The following ALCAM variants were observed in gnomAD, a reference collection of about 807,000 sequenced individuals.
ALCAM encodes the protein activated leukocyte cell adhesion molecule.
ALCAM carries 30 observed loss-of-function variants against 70.9 expected under a neutral mutation model. That is an observed-to-expected ratio of 0.42 (90% CI 0.32 to 0.57). The LOEUF is 0.57. Ranked by LOEUF, ALCAM falls within the 20% of genes least tolerant of loss-of-function variation. The pLI, the probability that ALCAM is intolerant of heterozygous loss-of-function variation, is 0.11. For missense variants in ALCAM, 591 were observed against 695.1 expected, an observed-to-expected ratio of 0.85 and a Z score of 1.68; for synonymous variants, 249 against 242.5, an observed-to-expected ratio of 1.03 and a Z score of -0.25.
chr3:105,549,932 G>T (rs902153366), intron 11 of ALCAM, among the ~76,000 whole-genome samples, 195 bp from the exon 12 acceptor site: 1 of 151,282 alleles, frequency 6.6e-6, no homozygotes. Context: ...AACATAAACA[G>T]AAATTTCATT....
At chr3:105,451,584 T>C (rs955685577) in intron 1 of ALCAM, among the ~76,000 whole-genome samples, 1 of 151,988 alleles carries the variant, frequency 6.6e-6, no homozygotes, top group Non-Finnish European at 1.5e-5. Context: ...AAAACAGACT[T>C]TGAGGGAAAA....
chr3:105,499,932 C>A (rs918797400), intron 1 of ALCAM, among the ~76,000 whole-genome samples: 5 of 152,196 alleles, frequency 3.3e-5, no homozygotes, highest in African/African-American at 1.2e-4. Context: ...AATTGCCGTA[C>A]CCTTAATAAA....
intron 9 of ALCAM, among the ~76,000 whole-genome samples, chr3:105,546,124 C>A (rs1466461171): frequency 6.6e-6 from 1 of 151,284 alleles, no homozygotes. Context: ...TGCGATCCCT[C>A]CACTTAAACC....
intron 1 of ALCAM, among the ~76,000 whole-genome samples, chr3:105,514,953 C>T (rs1939341252): frequency 6.6e-6 from 1 of 151,852 alleles, no homozygotes; most frequent in South Asian, 2.1e-4. Context: ...AGAAAAAGCC[C>T]TTCTTTCTAT....
intron 3 of ALCAM, among the ~76,000 whole-genome samples, chr3:105,527,454 C>T (rs930465377): frequency 2.6e-4 from 39 of 152,060 alleles, no homozygotes; most frequent in African/African-American, 8.9e-4. Flanking sequence ...TTGGATGAGA[C>T]GGGAGGTTTT....
intron 1 of ALCAM, among the ~76,000 whole-genome samples, chr3:105,414,352 G>T (rs1936459162): frequency 6.6e-6 from 1 of 152,010 alleles, no homozygotes; most frequent in South Asian, 2.1e-4. Flanking sequence ...GAAGATGGAG[G>T]TTCAGTGAGC....
At chr3:105,515,217 T>TA (rs1939350395) in intron 1 of ALCAM, among the ~76,000 whole-genome samples, 1 of 151,978 alleles carries the variant, frequency 6.6e-6, no homozygotes, top group Non-Finnish European at 1.5e-5. Context: ...TTGAAAAAAA[T>TA]ACCTTTTTCA....
At chr3:105,421,781 C>T (rs556754724) in intron 1 of ALCAM, among the ~76,000 whole-genome samples, 1 of 151,472 alleles carries the variant, frequency 6.6e-6, no homozygotes, top group East Asian at 2.0e-4. Context: ...CTTCTGGGGT[C>T]TCAGTGTTGA....
intron 13 of ALCAM, 61 bp from the exon 14 acceptor site, chr3:105,552,407 T>G (rs1013863890): frequency 1.3e-6 from 2 of 1,521,682 alleles, no homozygotes; most frequent in Non-Finnish European, 9.1e-7. Flanking sequence ...ATAGCTAGAT[T>G]GACTTTCTGA....
intron 14 of ALCAM, among the ~76,000 whole-genome samples, chr3:105,553,528 G>C (rs1031209692): frequency 1.3e-5 from 2 of 151,730 alleles, no homozygotes; most frequent in East Asian, 3.9e-4. Flanking sequence ...TTTAAAAAAT[G>C]TAAGAAAGTT....
Position 105,468,716 on chromosome 3 carries a change from T to C in ALCAM, c.74-51351T>C, listed in dbSNP as rs894838971. 3.3e-5 allele frequency among the ~76,000 whole-genome samples: 5 copies of C among 151,316 alleles called. No individual in the cohort carries two copies. The Admixed American group carries it at 3.3e-4, about 10-fold the overall frequency. ...TGACCAAGAGTACATAAAGATAATG[T>C]CCAGTTCAGTTCAGTTTTGTGGTGT... On this transcript the variant is annotated intron_variant, in intron 1 of 15. Transcript: ENST00000306107.
chr3:105,415,428 C>G (rs1385501635), intron 1 of ALCAM, among the ~76,000 whole-genome samples: 2 of 152,060 alleles, frequency 1.3e-5, no homozygotes, highest in Admixed American at 6.6e-5. Context: ...AATAATAAAT[C>G]CCCAGCATTA....
chr3:105,543,410 T>G (rs556660846), intron 8 of ALCAM, among the ~76,000 whole-genome samples: 11 of 151,812 alleles, frequency 7.2e-5, no homozygotes, highest in African/African-American at 2.6e-4. Flanking sequence ...CCTCAAAAGC[T>G]GAAAAAAAGT....
intron 4 of ALCAM, among the ~76,000 whole-genome samples, chr3:105,533,154 A>G (rs1220557369): frequency 1.3e-5 from 2 of 152,340 alleles, no homozygotes; most frequent in East Asian, 1.9e-4. Flanking sequence ...ATTATAGAGC[A>G]TGATAATGTA....
At chr3:105,518,106 G>T (rs1311450338) in intron 1 of ALCAM, among the ~76,000 whole-genome samples, 1 of 149,444 alleles carries the variant, frequency 6.7e-6, no homozygotes. Flanking sequence ...TAAATTCTTG[G>T]AAAAGGAATT....
intron 1 of ALCAM, among the ~76,000 whole-genome samples, chr3:105,516,347 C>G (rs971423540): frequency 2.0e-5 from 3 of 152,030 alleles, no homozygotes; most frequent in Admixed American, 6.6e-5. Flanking sequence ...TACCTAACTT[C>G]AAAACATTAC....
intron 14 of ALCAM, among the ~76,000 whole-genome samples, chr3:105,570,091 T>G (rs1459702130): frequency 6.6e-6 from 1 of 152,132 alleles, no homozygotes; most frequent in Non-Finnish European, 1.5e-5. Context: ...ACAGTTCTTT[T>G]GTTCATAGGG....
intron 1 of ALCAM, among the ~76,000 whole-genome samples, chr3:105,398,973 A>G (rs1046673554): frequency 6.7e-6 from 1 of 148,790 alleles, no homozygotes; most frequent in Non-Finnish European, 1.5e-5. Context: ...TTCTACTCTC[A>G]TCTCTTTTCC....
chr3:105,512,514 C>T (rs1939266351), intron 1 of ALCAM, among the ~76,000 whole-genome samples: 1 of 151,876 alleles, frequency 6.6e-6, no homozygotes, highest in Non-Finnish European at 1.5e-5. Context: ...CTTAGATTTT[C>T]ATGCTCAGAA....
Sources: gnomAD v4.1 joint callset for allele counts (sites outside exome capture counted in the v4.1 genomes callset) on GRCh38, gnomAD v4.1.1 for gene constraint, MANE v1.5 for transcripts, NCBI Gene and HGNC (gene_info 2026-07-23, HGNC 2026-07-21) for gene names.